The following LRP6 variants were observed in gnomAD, a reference collection of about 807,000 sequenced individuals.
LRP6 encodes the protein LDL receptor related protein 6, also known as low-density lipoprotein receptor-related protein 6.
LRP6 carries 43 observed loss-of-function variants against 184.1 expected under a neutral mutation model. The observed-to-expected ratio is 0.23, with a 90% confidence interval of 0.18 to 0.30. LRP6 has a LOEUF of 0.30. LRP6 is among the 10% of genes least tolerant of loss of function. The pLI, the probability that LRP6 is intolerant of heterozygous loss-of-function variation, is 1.00. For synonymous variants in LRP6, 719 were observed against 684.9 expected, an observed-to-expected ratio of 1.05 and a Z score of -0.78; for missense variants, 1,571 against 2,005.3, an observed-to-expected ratio of 0.78 and a Z score of 4.14.
intron 12 of LRP6, among the ~76,000 whole-genome samples, chr12:12,152,476 AG>A (rs1392075248): frequency 6.6e-6 from 1 of 151,932 alleles, no homozygotes; most frequent in Non-Finnish European, 1.5e-5. Context: ...TAGTAGAGAC[AG>A]GGTTTCACCA....
intron 2 of LRP6, among the ~76,000 whole-genome samples, chr12:12,234,660 G>A (rs1864886974): frequency 6.6e-6 from 1 of 151,760 alleles, no homozygotes; most frequent in Non-Finnish European, 1.5e-5. Context: ...GTGAAACCCC[G>A]CCTCTACTAA....
At chr12:12,251,026 G>A in intron 1 of LRP6, among the ~76,000 whole-genome samples, 1 of 152,002 alleles carries the variant, frequency 6.6e-6, no homozygotes, top group East Asian at 1.9e-4. Context: ...CACCTCCCAG[G>A]TTCAAGTGAT....
rs115409456 is a variant in LRP6 at position 12,128,957 on chromosome 12, C to T, written c.4081+1826G>A. ...TCCTCATGATTTAGATCTTTATCAT[C>T]TTCTGCCTAAACTCTAATCGCTTCC... On this transcript the variant is annotated intron_variant, in intron 19 of 22. Transcript: ENST00000261349. Among the ~76,000 whole-genome samples, 296 of 152,332 alleles carry T rather than the reference C, an allele frequency of 1.9e-3. 1 individual carries two copies. Among genetic ancestry groups the T allele is most frequent in the African/African-American group, 6.9e-3 (287 of 41,584 alleles).
chr12:12,196,769 A>G (rs1863774270), intron 3 of LRP6, among the ~76,000 whole-genome samples: 1 of 152,278 alleles, frequency 6.6e-6, no homozygotes, highest in South Asian at 2.1e-4. Flanking sequence ...GCTGATATAC[A>G]GCCTTGACCA....
intron 2 of LRP6, among the ~76,000 whole-genome samples, chr12:12,209,086 T>C (rs75182266): frequency 8.5e-5 from 13 of 152,340 alleles, no homozygotes; most frequent in African/African-American, 2.4e-4. Flanking sequence ...GCGCCGTGTG[T>C]GCAACATGCA....
intron 2 of LRP6, among the ~76,000 whole-genome samples, chr12:12,229,272 A>T (rs1270260889): frequency 2.7e-5 from 4 of 150,356 alleles, no homozygotes; most frequent in Non-Finnish European, 5.9e-5. Context: ...TGGGAGGCTG[A>T]GGCAGGAGAA....
intron 2 of LRP6, chr12:12,211,015 C>G (rs553209895): frequency 6.6e-6 from 1 of 152,328 alleles, no homozygotes; most frequent in South Asian, 2.1e-4. Flanking sequence ...CACTTCCCCT[C>G]TACTTGATCA....
chr12:12,221,251 A>C (rs755092799), intron 2 of LRP6, among the ~76,000 whole-genome samples: 2 of 152,242 alleles, frequency 1.3e-5, no homozygotes, highest in Non-Finnish European at 2.9e-5. Flanking sequence ...TATTTATATC[A>C]CCATAAACAA....
intron 14 of LRP6, 123 bp downstream of exon 14, chr12:12,148,819 A>C: frequency 1.6e-5 from 13 of 791,656 alleles, no homozygotes; most frequent in Non-Finnish European, 2.5e-5. Flanking sequence ...ACAAACTGAT[A>C]GAGAATATTG....
intron 9 of LRP6, 136 bp downstream of exon 9, chr12:12,164,137 A>AC (rs1342084999): frequency 1.2e-6 from 1 of 803,418 alleles, no homozygotes; most frequent in African/African-American, 1.7e-5. Context: ...TTAAAAAAAA[A>AC]AAAAAAAACT....
intron 7 of LRP6, among the ~76,000 whole-genome samples, chr12:12,172,626 C>T (rs1428049470): frequency 6.6e-6 from 1 of 152,158 alleles, no homozygotes; most frequent in African/African-American, 2.4e-5. Flanking sequence ...AGACAATATC[C>T]AAAACAAGCA....
intron 2 of LRP6, among the ~76,000 whole-genome samples, chr12:12,218,539 G>GT (rs1864408351): frequency 6.6e-6 from 1 of 150,698 alleles, no homozygotes; most frequent in South Asian, 2.1e-4. Flanking sequence ...TTTAAAATAG[G>GT]TATTTCACAA....
At chr12:12,127,677 G>A (rs1949691638) in intron 19 of LRP6, among the ~76,000 whole-genome samples, 1 of 152,132 alleles carries the variant, frequency 6.6e-6, no homozygotes, top group Non-Finnish European at 1.5e-5. Flanking sequence ...AATATCAGAG[G>A]TAGAGGGAAA....
chr12:12,127,087 C>T (rs1193814732), intron 19 of LRP6, among the ~76,000 whole-genome samples, 166 bp from the exon 20 acceptor site: 2 of 152,096 alleles, frequency 1.3e-5, no homozygotes, highest in Non-Finnish European at 2.9e-5. Context: ...GCCCTGAAGA[C>T]ATATGAAATA....
intron 1 of LRP6, among the ~76,000 whole-genome samples, chr12:12,253,472 C>T (rs927113366): frequency 2.6e-5 from 4 of 151,678 alleles, no homozygotes; most frequent in African/African-American, 4.8e-5. Context: ...ATGTGCACAA[C>T]GTGCAGGTTT....
At chr12:12,148,475 A>G (rs1305683569) in intron 14 of LRP6, among the ~76,000 whole-genome samples, 2 of 152,234 alleles carry the variant, frequency 1.3e-5, no homozygotes, top group Non-Finnish European at 2.9e-5. Context: ...GCTCTTTATT[A>G]AATGAAAGAA....
chr12:12,123,442 T>C (rs1949630977), intron 22 of LRP6, among the ~76,000 whole-genome samples: 1 of 152,208 alleles, frequency 6.6e-6, no homozygotes, highest in Non-Finnish European at 1.5e-5. Context: ...ATACTTTAAG[T>C]GGTTTCCACT....
chr12:12,244,916 C>T (rs1865149900), intron 1 of LRP6, among the ~76,000 whole-genome samples: 1 of 152,090 alleles, frequency 6.6e-6, no homozygotes, highest in African/African-American at 2.4e-5. Flanking sequence ...AATTTTAAAG[C>T]CTGGCTATAC....
At chr12:12,155,560 G>A in intron 12 of LRP6, 1 of 741,568 alleles carries the variant, frequency 1.3e-6, no homozygotes, top group Non-Finnish European at 2.4e-6. Context: ...AGCACGCTAA[G>A]AGCCGAGATA....
Sources: gnomAD v4.1 joint callset for allele counts (sites outside exome capture counted in the v4.1 genomes callset) on GRCh38, gnomAD v4.1.1 for gene constraint, MANE v1.5 for transcripts, NCBI Gene and HGNC (gene_info 2026-07-23, HGNC 2026-07-21) for gene names.